Variants in GIT2 observed in about 807,000 individuals in gnomAD.
The protein encoded by GIT2 is ARF GTPase-activating protein GIT2.
In GIT2, 32 loss-of-function variants were observed where a neutral mutation model predicts 100.3. The ratio of observed to expected loss-of-function variants is 0.32; its 90% confidence interval spans 0.24 to 0.43. The LOEUF (loss-of-function observed/expected upper bound fraction) is 0.43, where lower values mean the gene tolerates loss of function less well. Among genes scored for constraint, GIT2 ranks in the 20% least tolerant of loss-of-function variants. GIT2 has a pLI of 1.00. For synonymous variants in GIT2, 353 were observed against 364.1 expected (o/e 0.97, Z 0.35); for missense variants, 737 against 975.1 (o/e 0.76, Z 3.25).
chr12:109,991,437 A>G (rs1888382795), intron 2 of GIT2, among the ~76,000 whole-genome samples, 190 bp downstream of exon 2: 1 of 152,236 alleles, frequency 6.6e-6, no homozygotes, highest in African/African-American at 2.4e-5. Flanking sequence ...TATGTCAAGT[A>G]GGAAGAAAAG....
chr12:109,933,233 G>A lies in GIT2; in HGVS notation c.2068-43C>T. On this transcript the variant is annotated intron_variant, in intron 19 of 19. Transcript: ENST00000355312. This position sits in a 1 kb window ranked among gnomAD's most constrained non-coding sequence, Gnocchi z 4.5. ...GCCGTTTACCCTGAACTGCAGGGCA[G>A]ACATCCAAAAGCAGGGGACAAACAT... The A allele has an allele frequency of 8.7e-7, 1 of 1,142,928 alleles. No individual in the cohort carries two copies. Among genetic ancestry groups the A allele is most frequent in the Non-Finnish European group, 1.3e-6 (1 of 776,440 alleles). 70.8% of individuals were successfully genotyped at this position (1,142,928 alleles called of 1,614,324 possible).
At chr12:109,996,088 T>C (rs754578547) in intron 1 of GIT2, 85 bp downstream of exon 1, 2 of 838,406 alleles carry the variant, frequency 2.4e-6, no homozygotes, top group Non-Finnish European at 3.5e-6. Context: ...AGCCGCGGGA[T>C]GCAGCCTGAC....
intron 1 of GIT2, among the ~76,000 whole-genome samples, chr12:109,993,680 T>G (rs980531733): frequency 1.3e-5 from 2 of 152,214 alleles, no homozygotes; most frequent in African/African-American, 4.8e-5. Context: ...TCTAAATTAT[T>G]TTCTCAGTAT....
intron 8 of GIT2, chr12:109,965,855 G>T: frequency 1.8e-6 from 1 of 563,130 alleles, no homozygotes. Flanking sequence ...TTACCTTCCA[G>T]GCCCTTATGT....
At chr12:109,939,018 G>A (rs1009116017) in intron 17 of GIT2, 147 bp downstream of exon 17, 29 of 637,280 alleles carry the variant, frequency 4.6e-5, no homozygotes, top group Admixed American at 2.7e-4. Flanking sequence ...TGTAAACTAC[G>A]AGCGTATGCT....
At chr12:109,946,530 C>G (rs1393126196) in intron 15 of GIT2, among the ~76,000 whole-genome samples, 1 of 152,070 alleles carries the variant, frequency 6.6e-6, no homozygotes. Context: ...ATTTGAAAAC[C>G]TTATAACACA....
In GIT2 at chr12:109,983,346, G is replaced by T. The variant is rs370049574; in HGVS notation, c.623+27C>A. 5 of 1,604,742 alleles carry T rather than the reference G, an allele frequency of 3.1e-6. No homozygotes were observed. The African/African-American group carries it at 6.7e-5, about 22-fold the overall frequency. Reference sequence around the variant, plus strand: ...ACACCCAACAAAAAAATCCCAGAGAGAAGTAGCGAGAATCTAGGTCTCTTA... The same window carrying T: ...ACACCCAACAAAAAAATCCCAGAGATAAGTAGCGAGAATCTAGGTCTCTTA... On this transcript the variant is annotated intron_variant, in intron 6 of 19. Coordinates refer to ENST00000355312, the MANE Select transcript of GIT2 (RefSeq NM_057169.5).
chr12:109,956,287 C>T (rs1433926266), intron 12 of GIT2, among the ~76,000 whole-genome samples: 2 of 152,104 alleles, frequency 1.3e-5, no homozygotes, highest in Non-Finnish European at 2.9e-5. Context: ...GATCATGGCT[C>T]ACTGCAGCCT....
chr12:109,969,135 A>C (rs1883224045), intron 7 of GIT2, among the ~76,000 whole-genome samples: 1 of 143,642 alleles, frequency 7.0e-6, no homozygotes, highest in African/African-American at 2.6e-5. Flanking sequence ...CACTTTCTTA[A>C]CTAGTTTTCT....
intron 7 of GIT2, among the ~76,000 whole-genome samples, chr12:109,975,757 CAT>C (rs1491439303): frequency 6.8e-6 from 1 of 148,052 alleles, no homozygotes; most frequent in East Asian, 2.0e-4. Flanking sequence ...TTTTTGATCA[CAT>C]ATCTTTGTAG....
At chr12:109,945,650 AG>A (rs1313550947) in intron 15 of GIT2, among the ~76,000 whole-genome samples, 1 of 152,248 alleles carries the variant, frequency 6.6e-6, no homozygotes, top group Non-Finnish European at 1.5e-5. Context: ...TTTTTCAATC[AG>A]GACTGATGTG....
intron 1 of GIT2, among the ~76,000 whole-genome samples, chr12:109,993,683 C>T (rs1888820914): frequency 6.6e-6 from 1 of 152,084 alleles, no homozygotes; most frequent in Non-Finnish European, 1.5e-5. Flanking sequence ...AAATTATTTT[C>T]TCAGTATTCA....
intron 18 of GIT2, among the ~76,000 whole-genome samples, chr12:109,935,643 G>A (rs1383044903): frequency 1.2e-4 from 19 of 152,204 alleles, no homozygotes; most frequent in African/African-American, 4.6e-4. Flanking sequence ...TGATCCACCC[G>A]CCTTGGCCTC....
At chr12:109,988,147 A>T (rs530990768) in intron 4 of GIT2, among the ~76,000 whole-genome samples, 95 of 152,316 alleles carry the variant, frequency 6.2e-4, no homozygotes, top group African/African-American at 2.2e-3. Context: ...AAAACTTATC[A>T]AAATATAATT....
intron 7 of GIT2, among the ~76,000 whole-genome samples, chr12:109,976,887 C>T (rs1885216630): frequency 6.6e-6 from 1 of 152,202 alleles, no homozygotes; most frequent in Non-Finnish European, 1.5e-5. Context: ...CTGCACCTGG[C>T]TGACAATGTT....
At position 109,936,103 on chromosome 12, in the gene GIT2, G is replaced by C. The variant is rs1382410242; in HGVS notation, c.2004-2018C>G. Among the ~76,000 whole-genome samples the C allele has an allele frequency of 2.0e-5, 3 of 152,048 alleles. No individual in the cohort carries two copies. The East Asian group carries it at 5.8e-4, about 29-fold the overall frequency. On this transcript the variant is annotated intron_variant, in intron 18 of 19. Transcript: ENST00000355312. ...GAGAAAACAAGAGAAAAAGGCATGG[G>C]TTTAATTCGTACAATTCAAGATGAT...
At chr12:109,987,840 C>T (rs905948134) in intron 4 of GIT2, among the ~76,000 whole-genome samples, 1 of 152,146 alleles carries the variant, frequency 6.6e-6, no homozygotes, top group Non-Finnish European at 1.5e-5. Flanking sequence ...TCCAAGGCAG[C>T]GCTTTGAAAA....
intron 11 of GIT2, among the ~76,000 whole-genome samples, chr12:109,960,449 G>A (rs550513274): frequency 1.2e-3 from 183 of 152,142 alleles, no homozygotes; most frequent in African/African-American, 4.2e-3. Flanking sequence ...GCATGGTGGC[G>A]GGTGCCTGTA....
intron 13 of GIT2, chr12:109,952,702 C>G: frequency 2.0e-6 from 1 of 495,724 alleles, no homozygotes; most frequent in Admixed American, 2.0e-5. Context: ...CATAGATTCT[C>G]TCTCTGCTCA....
Sources: allele counts gnomAD v4.1 joint callset (sites outside exome capture counted in the v4.1 genomes callset), GRCh38; gene constraint gnomAD v4.1.1; non-coding constraint Gnocchi (gnomAD v3.1); transcripts MANE v1.5; gene names NCBI Gene and HGNC (gene_info 2026-07-23, HGNC 2026-07-21).